Variants in RASD2 observed in about 807,000 individuals in gnomAD.
The protein encoded by RASD2 is GTP-binding protein Rhes.
Under a neutral mutation model 15.8 loss-of-function variants are expected in RASD2, and 7 were observed. The ratio of observed to expected loss-of-function variants is 0.44; its 90% CI spans 0.25 to 0.83. The LOEUF is 0.83. Ranked by LOEUF, RASD2 falls within the 40% of genes least tolerant of loss-of-function variation. RASD2 has a pLI of 0.20. For missense variants in RASD2, 274 were observed against 382.8 expected, an observed-to-expected ratio of 0.72 and a Z score of 2.37; for synonymous variants, 155 against 153.6, an observed-to-expected ratio of 1.01 and a Z score of -0.07.
chr22:35,533,148 C>T, the RASD2 span, among the ~76,000 whole-genome samples: 15 of 152,216 alleles, frequency 9.9e-5, no homozygotes, highest in Admixed American at 5.2e-4. Context: ...TGGAGCCTGG[C>T]ATAAGGAGAG....
intron 1 of RASD2, 155 bp from the exon 2 acceptor site, chr22:35,546,646 G>A (rs374999567): frequency 6.0e-6 from 3 of 499,176 alleles, no homozygotes; most frequent in Non-Finnish European, 7.8e-6. Flanking sequence ...ATGAATGAAT[G>A]AGAGGGTAGA....
intron 1 of RASD2, among the ~76,000 whole-genome samples, chr22:35,545,367 G>A (rs761265063): frequency 6.6e-6 from 1 of 152,196 alleles, no homozygotes; most frequent in Non-Finnish European, 1.5e-5. Flanking sequence ...GGGCATCCTG[G>A]GGTGGGGACC....
At chr22:35,547,904 G>A (rs577793521) in intron 2 of RASD2, among the ~76,000 whole-genome samples, 3 of 152,208 alleles carry the variant, frequency 2.0e-5, no homozygotes, top group South Asian at 2.1e-4. Flanking sequence ...GTCAGCCACC[G>A]CGGCCAGCCA....
In RASD2 at chr22:35,546,937, G is replaced by T; in HGVS notation, c.128G>T (p.Arg43Leu). 1 of 1,613,880 alleles carries T rather than the reference G, an allele frequency of 6.2e-7. No homozygotes were observed. The highest frequency in any genetic ancestry group is 1.1e-5 in the South Asian group (1 of 91,020). The change falls in exon 2 of 3, where the codon CGC becomes CTC. Residue 43 changes from arginine (R) to leucine (L), a missense_variant. Transcript: ENST00000216127. ...ATCGTGTCTCGCTTCCTCAATGGCC[G>T]CTTTGAGGACCAGTACACACCCACC... ...SSIVSRFLNG[R>L]FEDQYTPTIE...
chr22:35,536,129 C>T (rs1311373871), upstream of RASD2, among the ~76,000 whole-genome samples: 1 of 152,230 alleles, frequency 6.6e-6, no homozygotes, highest in African/African-American at 2.4e-5. Flanking sequence ...GCACCTGACC[C>T]AGTGCCCCAG....
chr22:35,553,507 T>C lies in RASD2; in HGVS notation c.*1475T>C, dbSNP rs1017714451. 1 of 152,398 alleles carries C rather than the reference T, an allele frequency of 6.6e-6. No homozygotes were observed. Among genetic ancestry groups the C allele is most frequent in the Admixed American group, 6.6e-5 (1 of 15,262 alleles). 9.4% of individuals were successfully genotyped at this position (152,398 alleles called of 1,614,324 possible). A position where few individuals can be genotyped will look rare whatever the true frequency, so the allele number is the denominator to read the frequency against. On this transcript the variant is annotated 3_prime_UTR_variant, in exon 3 of 3. Transcript: ENST00000216127. ...GATCTTCTATTGGGTCTTTCTGAGG[T>C]TCAGAGAGGGTAAGTAACTTCCTCC...
rs553932451 is a variant in RASD2, at chr22:35,553,542, A to T, written c.*1510A>T. The T allele has an allele frequency of 6.6e-6, 1 of 152,432 alleles. No homozygotes were observed. The highest frequency in any genetic ancestry group is 2.1e-4 in the South Asian group (1 of 4,832). The allele number at this position is 152,432 out of a possible 1,614,324, so 9.4% of individuals were successfully genotyped here. A position where few individuals can be genotyped will look rare whatever the true frequency, so the allele number is the denominator to read the frequency against. On this transcript the variant is annotated 3_prime_UTR_variant, in exon 3 of 3. Transcript: ENST00000216127. ...GTAAGTAACTTCCTCCAGGTCACAC[A>T]GCAAGTCTGTGGGTGGCAGAAGCAA... is the stretch of plus-strand genomic sequence containing the variant.
chr22:35,542,985 A>G (rs1479318220), intron 1 of RASD2, among the ~76,000 whole-genome samples: 1 of 152,180 alleles, frequency 6.6e-6, no homozygotes, highest in Non-Finnish European at 1.5e-5. Context: ...TGAGACAGAC[A>G]GTGTTTTGGA....
chr22:35,550,017 T>C (rs983372282), intron 2 of RASD2, among the ~76,000 whole-genome samples: 3 of 152,128 alleles, frequency 2.0e-5, no homozygotes, highest in African/African-American at 4.8e-5. Flanking sequence ...TCCCAGCTCT[T>C]TGGGAGGCCG....
intron 1 of RASD2, among the ~76,000 whole-genome samples, chr22:35,543,308 C>T (rs755610060): frequency 1.3e-5 from 2 of 152,154 alleles, no homozygotes; most frequent in African/African-American, 4.8e-5. Context: ...ATACCTGTGC[C>T]GCTAGGGGGT....
intron 1 of RASD2, among the ~76,000 whole-genome samples, chr22:35,543,412 T>C (rs951506266): frequency 8.1e-5 from 12 of 148,628 alleles, no homozygotes; most frequent in African/African-American, 3.0e-4. Context: ...CTTCCTGAAA[T>C]CCATTCAGTC....
rs1423151340 is a variant in RASD2 at position 35,551,686 on chromosome 22, C to T, written c.455C>T (p.Pro152Leu). ...NDHGELCRQV[P>L]TTEAELLVSG... The stretch of plus-strand genomic sequence containing the variant: ...CACGGCGAGCTGTGCCGCCAGGTGC[C>T]CACCACCGAGGCCGAGCTGCTGGTG... Residue 152 changes from proline to leucine, a missense_variant, in exon 3 of 3, where the codon CCC (proline) becomes CTC (leucine). Physicochemically the swap from Pro to Leu is moderately conservative, Grantham distance 98 (BLOSUM62 -3). Coordinates refer to ENST00000216127, the MANE Select transcript of RASD2 (RefSeq NM_014310.4). This position sits in a 1 kb window ranked among gnomAD's most constrained non-coding sequence, Gnocchi z 4.9. 4 of 1,613,896 alleles carry T rather than the reference C, an allele frequency of 2.5e-6. No homozygotes were observed. Among genetic ancestry groups the T allele is most frequent in the East Asian group, 2.2e-5 (1 of 44,870 alleles).
the RASD2 span, among the ~76,000 whole-genome samples, chr22:35,533,249 C>T: frequency 2.3e-4 from 35 of 152,324 alleles, no homozygotes; most frequent in African/African-American, 7.2e-4. Context: ...TAATAGTTTG[C>T]TCTGCGTGTT....
At chr22:35,537,037 C>A (rs187631328), upstream of RASD2, among the ~76,000 whole-genome samples, 1 of 152,094 alleles carries the variant, frequency 6.6e-6, no homozygotes, top group Admixed American at 6.5e-5. Context: ...TCTAATGCGC[C>A]GCCAGCATTA....
intron 2 of RASD2, among the ~76,000 whole-genome samples, chr22:35,548,907 G>A (rs909593730): frequency 1.3e-5 from 2 of 152,194 alleles, no homozygotes; most frequent in African/African-American, 2.4e-5. Flanking sequence ...GGCTTGTGGC[G>A]GGAGCTTCCA....
the RASD2 span, among the ~76,000 whole-genome samples, chr22:35,534,893 A>T: frequency 3.3e-5 from 5 of 152,236 alleles, no homozygotes; most frequent in Non-Finnish European, 7.3e-5. Flanking sequence ...GGATTAAACC[A>T]GCTTGGAAAT....
intron 1 of RASD2, among the ~76,000 whole-genome samples, chr22:35,542,725 C>T (rs928631146): frequency 2.0e-5 from 3 of 152,214 alleles, no homozygotes; most frequent in African/African-American, 4.8e-5. Flanking sequence ...CGGGAGGACA[C>T]GTCCAGACTC....
upstream of RASD2, among the ~76,000 whole-genome samples, chr22:35,540,019 C>T (rs978684335): frequency 1.3e-5 from 2 of 152,358 alleles, no homozygotes; most frequent in East Asian, 1.9e-4. Context: ...CTGGGCGACA[C>T]GTGCATGGCC....
rs527846510 is a variant in RASD2 at position 35,542,940 on chromosome 22, G to A, written c.-10+1440G>A. On this transcript the variant is annotated intron_variant, in intron 1 of 2. Coordinates refer to ENST00000216127, the MANE Select transcript of RASD2 (RefSeq NM_014310.4). The stretch of plus-strand genomic sequence containing the variant: ...GAGTGAGAATATAGTATGTCTCGGC[G>A]TCATCCCCCCGCCTGATGCCAGCTG... Among the ~76,000 whole-genome samples, 13 of 152,292 alleles carry A rather than the reference G, an allele frequency of 8.5e-5. No individual in the cohort carries two copies. In the South Asian group the frequency reaches 2.1e-3, roughly 24 times the overall value.
Sources: allele counts gnomAD v4.1 joint callset (sites outside exome capture counted in the v4.1 genomes callset), GRCh38; gene constraint gnomAD v4.1.1; non-coding constraint Gnocchi (gnomAD v3.1); transcripts MANE v1.5; gene names NCBI Gene and HGNC (gene_info 2026-07-23, HGNC 2026-07-21).